PDSS2: variants seen among roughly 807,000 people sequenced by gnomAD.
The protein encoded by PDSS2 is decaprenyl diphosphate synthase subunit 2, also known as all trans-polyprenyl-diphosphate synthase PDSS2.
In PDSS2, 31 loss-of-function variants were observed where a neutral mutation model predicts 44.5. The observed-to-expected ratio is 0.70, with a 90% CI of 0.52 to 0.94. The LOEUF (loss-of-function observed/expected upper bound fraction) is 0.94. Ranked by LOEUF, PDSS2 falls within the 40% of genes least tolerant of loss-of-function variation. PDSS2 has a pLI of 0.00. For synonymous variants in PDSS2, 157 were observed against 180.3 expected, an observed-to-expected ratio of 0.87 and a Z score of 1.03; for missense variants, 452 against 482.2, an observed-to-expected ratio of 0.94 and a Z score of 0.59.
chr6:107,383,970 G>A (rs1398642499), intron 1 of PDSS2, among the ~76,000 whole-genome samples: 3 of 152,164 alleles, frequency 2.0e-5, no homozygotes, highest in Non-Finnish European at 4.4e-5. Flanking sequence ...GTAAACTAAT[G>A]CAACAGAAGC....
chr6:107,363,872 C>T (rs936180390), intron 1 of PDSS2, among the ~76,000 whole-genome samples: 1 of 152,102 alleles, frequency 6.6e-6, no homozygotes, highest in Non-Finnish European at 1.5e-5. Context: ...CTCCAAGTCC[C>T]CACCAGAGCA....
At chr6:107,205,703 G>A (rs1772949906) in intron 6 of PDSS2, among the ~76,000 whole-genome samples, 1 of 152,028 alleles carries the variant, frequency 6.6e-6, no homozygotes, top group Non-Finnish European at 1.5e-5. Flanking sequence ...GTGTGCGTGT[G>A]TGTCAACATG....
chr6:107,425,112 T>C (rs1780951582), intron 1 of PDSS2, among the ~76,000 whole-genome samples: 1 of 152,182 alleles, frequency 6.6e-6, no homozygotes, highest in African/African-American at 2.4e-5. Context: ...CCTTCCACCA[T>C]GATTGTGAGT....
chr6:107,405,707 C>T (rs182228524), intron 1 of PDSS2, among the ~76,000 whole-genome samples: 19 of 151,886 alleles, frequency 1.3e-4, no homozygotes, highest in South Asian at 4.2e-4. Context: ...ATTAGCCGGG[C>T]GTAGCGGCGG....
intron 1 of PDSS2, among the ~76,000 whole-genome samples, chr6:107,399,071 G>A (rs1780031186): frequency 6.6e-6 from 1 of 152,136 alleles, no homozygotes; most frequent in South Asian, 2.1e-4. Context: ...TATACCACCT[G>A]CCAAACAATC....
chr6:107,457,723 C>G (rs1002434066), intron 1 of PDSS2, among the ~76,000 whole-genome samples: 1 of 152,088 alleles, frequency 6.6e-6, no homozygotes, highest in Non-Finnish European at 1.5e-5. Context: ...AACAACTAAA[C>G]GCAATACTTG....
intron 2 of PDSS2, among the ~76,000 whole-genome samples, chr6:107,326,481 A>G (rs1464553170): frequency 6.6e-6 from 1 of 152,208 alleles, no homozygotes; most frequent in Admixed American, 6.5e-5. Flanking sequence ...AAATAAATAC[A>G]GAAAATGTTC....
At chr6:107,452,393 G>A (rs539438692) in intron 1 of PDSS2, among the ~76,000 whole-genome samples, 10 of 151,574 alleles carry the variant, frequency 6.6e-5, no homozygotes, top group African/African-American at 1.9e-4. Flanking sequence ...CCACCACACC[G>A]GCTAATTTTT....
At chr6:107,401,388 A>G (rs965497500) in intron 1 of PDSS2, among the ~76,000 whole-genome samples, 1 of 152,116 alleles carries the variant, frequency 6.6e-6, no homozygotes, top group African/African-American at 2.4e-5. Flanking sequence ...CCTACTAAAC[A>G]TCATCATAGA....
chr6:107,351,348 C>G (rs1331565562), intron 1 of PDSS2, among the ~76,000 whole-genome samples: 1 of 152,164 alleles, frequency 6.6e-6, no homozygotes, highest in Non-Finnish European at 1.5e-5. Flanking sequence ...AAGTTCTGCT[C>G]TTCCCCAAGA....
intron 3 of PDSS2, among the ~76,000 whole-genome samples, chr6:107,249,116 A>C (rs957020568): frequency 6.6e-6 from 1 of 152,218 alleles, no homozygotes; most frequent in Non-Finnish European, 1.5e-5. Flanking sequence ...GCCAAGTTGC[A>C]TCAAACAAAT....
chr6:107,194,964 A>C (rs1343423835), intron 6 of PDSS2, among the ~76,000 whole-genome samples: 1 of 152,038 alleles, frequency 6.6e-6, no homozygotes, highest in East Asian at 1.9e-4. Context: ...AAAAAAAAAA[A>C]AATCTTAACA....
intron 3 of PDSS2, among the ~76,000 whole-genome samples, chr6:107,252,531 A>C (rs1774855090): frequency 1.3e-5 from 2 of 152,246 alleles, no homozygotes; most frequent in South Asian, 4.1e-4. Flanking sequence ...TGATAATCTT[A>C]ATTTTTAATT....
chr6:107,365,212 A>G lies in PDSS2; in HGVS notation c.297-30880T>C, dbSNP rs538441887. 7.2e-4 allele frequency among the ~76,000 whole-genome samples: 110 copies of G among 152,314 alleles called. No homozygotes were observed. The Middle Eastern group carries it at 0.034, about 47-fold the overall frequency. On this transcript the variant is annotated intron_variant, in intron 1 of 7. Transcript: ENST00000369037. The stretch of plus-strand genomic sequence containing the variant: ...ATGGACTTATAATATATAGAAATAT[A>G]TTTAACAATAGTAACACAAATGAAA...
rs1185064167 is a variant in PDSS2, at chr6:107,439,605, C to T, written c.296+19385G>A. ...TTATGTTACAGCTGCAAGTGTACCA[C>T]TGTTGCATAACAACTCCATTCAGGG... On this transcript the variant is annotated intron_variant, in intron 1 of 7. Transcript: ENST00000369037. 2.0e-5 allele frequency among the ~76,000 whole-genome samples: 3 copies of T among 152,208 alleles called. No homozygotes were observed. In the East Asian group the frequency reaches 5.8e-4, roughly 29 times the overall value.
intron 1 of PDSS2, among the ~76,000 whole-genome samples, chr6:107,354,606 A>G (rs1381845950): frequency 6.6e-6 from 1 of 152,228 alleles, no homozygotes; most frequent in Non-Finnish European, 1.5e-5. Flanking sequence ...ATGTATTATC[A>G]GCACATGTGA....
At chr6:107,226,053 A>AGTGG (rs1773809047) in intron 4 of PDSS2, among the ~76,000 whole-genome samples, 1 of 152,232 alleles carries the variant, frequency 6.6e-6, no homozygotes, top group Non-Finnish European at 1.5e-5. Context: ...TCACGCCTGT[A>AGTGG]ATCCCAGCAC....
chr6:107,155,628 G>A (rs1770861442), intron 7 of PDSS2, among the ~76,000 whole-genome samples: 1 of 145,822 alleles, frequency 6.9e-6, no homozygotes, highest in African/African-American at 2.5e-5. Context: ...TTGCCAGGCT[G>A]GAGTGCAGTG....
chr6:107,174,494 C>T (rs563254655), intron 7 of PDSS2, among the ~76,000 whole-genome samples: 7 of 152,190 alleles, frequency 4.6e-5, no homozygotes, highest in Admixed American at 1.3e-4. Context: ...AAAGATAGGA[C>T]GACGCTGCCT....
Sources: gnomAD v4.1 joint callset for allele counts (sites outside exome capture counted in the v4.1 genomes callset) on GRCh38, gnomAD v4.1.1 for gene constraint, MANE v1.5 for transcripts, NCBI Gene and HGNC (gene_info 2026-07-23, HGNC 2026-07-21) for gene names.